SLC24A2: variants seen among roughly 807,000 people sequenced by gnomAD.
SLC24A2 encodes solute carrier family 24 member 2, also known as sodium/potassium/calcium exchanger 2.
Under a neutral mutation model 62.0 loss-of-function variants are expected in SLC24A2, and 36 were observed. The ratio of observed to expected loss-of-function variants is 0.58; its 90% confidence interval spans 0.44 to 0.77. The LOEUF (loss-of-function observed/expected upper bound fraction) is 0.77. SLC24A2 is among the 30% of genes least tolerant of loss of function. SLC24A2 has a pLI of 0.00. For synonymous variants in SLC24A2, 358 were observed against 294.0 expected (o/e 1.22, Z -2.23); for missense variants, 846 against 817.9 (o/e 1.03, Z -0.42).
chr9:19,619,503 C>A, intron 4 of SLC24A2, 81 bp downstream of exon 4: 1 of 1,127,326 alleles, frequency 8.9e-7, no homozygotes, highest in Non-Finnish European at 1.4e-6. Context: ...ATGACGACAG[C>A]ACAAACACGT....
At chr9:20,095,325 T>C in the SLC24A2 span, among the ~76,000 whole-genome samples, 1 of 152,226 alleles carries the variant, frequency 6.6e-6, no homozygotes, top group Non-Finnish European at 1.5e-5. Flanking sequence ...GTTAATTTTA[T>C]CCGTCAACTT....
the SLC24A2 span, among the ~76,000 whole-genome samples, chr9:19,802,700 G>C: frequency 6.6e-6 from 1 of 152,110 alleles, no homozygotes; most frequent in African/African-American, 2.4e-5. Context: ...TCTTGAAAAA[G>C]TAAATGAAAT....
At chr9:19,520,496 T>C (rs991919614) in intron 10 of SLC24A2, among the ~76,000 whole-genome samples, 1 of 152,200 alleles carries the variant, frequency 6.6e-6, no homozygotes, top group African/African-American at 2.4e-5. Flanking sequence ...GCCTATGTTT[T>C]CCCCAATCTG....
chr9:19,853,733 G>T, the SLC24A2 span, among the ~76,000 whole-genome samples: 1 of 152,128 alleles, frequency 6.6e-6, no homozygotes, highest in African/African-American at 2.4e-5. Flanking sequence ...GAAGATTTTT[G>T]CACCGATGTT....
the SLC24A2 span, among the ~76,000 whole-genome samples, chr9:20,168,109 G>A: frequency 1.3e-5 from 2 of 151,926 alleles, no homozygotes; most frequent in African/African-American, 4.8e-5. Context: ...TATGTGATGT[G>A]TGCATATATC....
At chr9:19,605,677 A>C (rs1836964499) in intron 4 of SLC24A2, among the ~76,000 whole-genome samples, 1 of 152,222 alleles carries the variant, frequency 6.6e-6, no homozygotes, top group Non-Finnish European at 1.5e-5. Context: ...TGATGGCTGC[A>C]AGAAAAAACG....
At chr9:20,257,791 T>A in the SLC24A2 span, among the ~76,000 whole-genome samples, 38 of 152,240 alleles carry the variant, frequency 2.5e-4, no homozygotes, top group East Asian at 7.3e-3. Context: ...TAGCAAACCC[T>A]CAATAAATAA....
At chr9:19,941,179 A>G in the SLC24A2 span, among the ~76,000 whole-genome samples, 2 of 152,194 alleles carry the variant, frequency 1.3e-5, no homozygotes, top group Admixed American at 1.3e-4. Flanking sequence ...AACAGTCTAT[A>G]TGGGGTCCCT....
chr9:19,744,269 C>T lies in SLC24A2; in HGVS notation c.930+41668G>A, dbSNP rs146184642. On this transcript the variant is annotated intron_variant, in intron 2 of 10. Coordinates refer to ENST00000341998, the MANE Select transcript of SLC24A2 (RefSeq NM_020344.4). ...CTTCTATGTTTTCTATTTTCTCCCTCACCATATCTAGGGATGGATGTTCCC... is the reference window on the plus strand; with the variant it reads ...CTTCTATGTTTTCTATTTTCTCCCTTACCATATCTAGGGATGGATGTTCCC... 8.9e-4 allele frequency among the ~76,000 whole-genome samples: 135 copies of T among 152,294 alleles called. 1 individual carries two copies. Among genetic ancestry groups the T allele is most frequent in the African/African-American group, 3.1e-3 (130 of 41,562 alleles).
chr9:19,744,137 T>A (rs900114743), intron 2 of SLC24A2, among the ~76,000 whole-genome samples: 7 of 152,092 alleles, frequency 4.6e-5, no homozygotes, highest in Non-Finnish European at 1.0e-4. Flanking sequence ...TTTCTCTTAT[T>A]TTCCCTAGGA....
At chr9:19,915,474 G>A in the SLC24A2 span, among the ~76,000 whole-genome samples, 1 of 151,976 alleles carries the variant, frequency 6.6e-6, no homozygotes, top group Non-Finnish European at 1.5e-5. Context: ...AGGGTCATAC[G>A]GCAAATCTTT....
intron 2 of SLC24A2, among the ~76,000 whole-genome samples, chr9:19,770,374 C>T (rs1429303952): frequency 3.9e-5 from 6 of 151,942 alleles, no homozygotes; most frequent in Non-Finnish European, 8.8e-5. Context: ...CTTTATTAAT[C>T]TCTCAAGATT....
chr9:20,301,128 G>C, the SLC24A2 span, among the ~76,000 whole-genome samples: 3 of 152,160 alleles, frequency 2.0e-5, no homozygotes, highest in Non-Finnish European at 2.9e-5. Flanking sequence ...AAGCAAACAA[G>C]AGCAAAAACA....
chr9:20,008,969 T>A, the SLC24A2 span, among the ~76,000 whole-genome samples: 2 of 152,012 alleles, frequency 1.3e-5, no homozygotes, highest in African/African-American at 2.4e-5. Flanking sequence ...AACTCAGGAG[T>A]GAGGCTGAGA....
At chr9:20,028,502 A>T in the SLC24A2 span, among the ~76,000 whole-genome samples, 1 of 152,152 alleles carries the variant, frequency 6.6e-6, no homozygotes, top group African/African-American at 2.4e-5. Flanking sequence ...CCAAAGTCTC[A>T]TCAGTCCTGC....
At chr9:20,202,663 T>C in the SLC24A2 span, among the ~76,000 whole-genome samples, 17 of 152,046 alleles carry the variant, frequency 1.1e-4, no homozygotes, top group African/African-American at 2.2e-4. Context: ...ATTTAAATGC[T>C]CCAGAAAAGA....
intron 2 of SLC24A2, among the ~76,000 whole-genome samples, chr9:19,780,872 CAAAAAA>C: frequency 2.8e-5 from 1 of 36,238 alleles, no homozygotes; most frequent in East Asian, 8.4e-4. Flanking sequence ...GACTCCGTCT[CAAAAAA>C]AAAAAAAAAA....
At chr9:20,283,911 C>T in the SLC24A2 span, among the ~76,000 whole-genome samples, 1 of 152,106 alleles carries the variant, frequency 6.6e-6, no homozygotes, top group Non-Finnish European at 1.5e-5. Context: ...GAGGCATTTT[C>T]CTTTTTCCGG....
chr9:20,274,458 G>C, the SLC24A2 span, among the ~76,000 whole-genome samples: 312 of 152,162 alleles, frequency 2.1e-3, 2 homozygotes, highest in African/African-American at 7.1e-3. Context: ...ATTTCACTTG[G>C]GTAATTTTGG....
Sources: allele counts gnomAD v4.1 joint callset (sites outside exome capture counted in the v4.1 genomes callset), GRCh38; gene constraint gnomAD v4.1.1; transcripts MANE v1.5; gene names NCBI Gene and HGNC (gene_info 2026-07-23, HGNC 2026-07-21).